The following CSMD1 variants were observed in gnomAD, a reference collection of about 807,000 sequenced individuals.
The protein encoded by CSMD1 is CUB and Sushi multiple domains 1, also known as CUB and sushi domain-containing protein 1.
A neutral mutation model predicts 417.5 loss-of-function variants in CSMD1; 213 were observed. The ratio of observed to expected loss-of-function variants is 0.51; its 90% CI spans 0.46 to 0.57. The LOEUF (loss-of-function observed/expected upper bound fraction) is 0.57. Among genes scored for constraint, CSMD1 ranks in the 20% least tolerant of loss-of-function variants. CSMD1 has a pLI of 0.00. For synonymous variants in CSMD1, 2,862 were observed against 1,736.8 expected, an observed-to-expected ratio of 1.65 and a Z score of -16.11; for missense variants, 6,923 against 4,529.7, an observed-to-expected ratio of 1.53 and a Z score of -15.17.
chr8:3,392,994 C>A (rs2116838310), intron 17 of CSMD1, among the ~76,000 whole-genome samples: 1 of 152,288 alleles, frequency 6.6e-6, no homozygotes. Context: ...CATTTTCTTA[C>A]AACAAGCAAA....
chr8:4,003,996 T>C (rs1391463747), intron 4 of CSMD1, among the ~76,000 whole-genome samples: 3 of 152,124 alleles, frequency 2.0e-5, no homozygotes, highest in African/African-American at 4.8e-5. Context: ...AGAAAATATA[T>C]GATCAACTAA....
chr8:3,550,579 C>T (rs562607909), intron 10 of CSMD1, among the ~76,000 whole-genome samples: 2 of 152,308 alleles, frequency 1.3e-5, no homozygotes, highest in South Asian at 4.1e-4. Context: ...CTTATGGGTG[C>T]ATCATCCCTA....
At chr8:3,475,263 C>G (rs902968281) in intron 11 of CSMD1, among the ~76,000 whole-genome samples, 10 of 152,182 alleles carry the variant, frequency 6.6e-5, no homozygotes, top group African/African-American at 2.4e-4. Context: ...TCAACCTCCA[C>G]CTTCTTTCAA....
intron 12 of CSMD1, among the ~76,000 whole-genome samples, chr8:3,419,696 C>T (rs1163265888): frequency 6.6e-6 from 1 of 152,088 alleles, no homozygotes; most frequent in Non-Finnish European, 1.5e-5. Flanking sequence ...ACTTTCGTCA[C>T]CTACAACGTT....
chr8:4,115,815 TAA>T (rs201438381), intron 3 of CSMD1, among the ~76,000 whole-genome samples: 1 of 149,414 alleles, frequency 6.7e-6, no homozygotes, highest in Admixed American at 6.7e-5. Flanking sequence ...TATTTCTCAG[TAA>T]AAAAAAAGCC....
intron 2 of CSMD1, among the ~76,000 whole-genome samples, chr8:4,442,771 A>G (rs564282956): frequency 3.9e-5 from 6 of 152,364 alleles, no homozygotes; most frequent in African/African-American, 1.4e-4. Context: ...CAAAGACAGT[A>G]ATGGTCTGTG....
chr8:3,251,861 T>C (rs954236042), intron 26 of CSMD1, among the ~76,000 whole-genome samples: 2 of 152,216 alleles, frequency 1.3e-5, no homozygotes, highest in African/African-American at 4.8e-5. Context: ...TTTGGCTCTT[T>C]CTTTGTCTGT....
chr8:3,899,909 G>A (rs936919101), intron 5 of CSMD1, among the ~76,000 whole-genome samples: 2 of 152,242 alleles, frequency 1.3e-5, no homozygotes, highest in African/African-American at 4.8e-5. Context: ...CTTAAAACAT[G>A]TCTTTAATGT....
chr8:3,990,852 C>A (rs978480120), intron 5 of CSMD1, among the ~76,000 whole-genome samples: 8 of 152,126 alleles, frequency 5.3e-5, no homozygotes, highest in African/African-American at 1.4e-4. Flanking sequence ...GAGAGTGCAG[C>A]TGCCCCTTCA....
At chr8:3,993,078 C>G (rs2627328) in intron 5 of CSMD1, among the ~76,000 whole-genome samples, 27,736 of 152,152 alleles carry the variant, frequency 0.18, 3,032 homozygotes, top group Non-Finnish European at 0.24. Context: ...CAGAGGAAAT[C>G]AAACAGAGTC....
At chr8:4,772,836 G>C (rs1202115778) in intron 1 of CSMD1, among the ~76,000 whole-genome samples, 2 of 152,124 alleles carry the variant, frequency 1.3e-5, no homozygotes, top group African/African-American at 2.4e-5. Flanking sequence ...AGTTTGATAT[G>C]TATGTCTGCT....
intron 3 of CSMD1, among the ~76,000 whole-genome samples, chr8:4,223,758 G>C (rs916344497): frequency 7.2e-5 from 11 of 152,138 alleles, no homozygotes; most frequent in African/African-American, 1.9e-4. Flanking sequence ...AATATTTCTA[G>C]CAAAGGTGAC....
chr8:3,964,585 G>A (rs540021480), intron 5 of CSMD1, among the ~76,000 whole-genome samples: 1 of 152,130 alleles, frequency 6.6e-6, no homozygotes, highest in African/African-American at 2.4e-5. Context: ...TTAATTCTCT[G>A]ATCCACTTAA....
chr8:3,997,796 A>G (rs1188785208), intron 5 of CSMD1, 107 bp downstream of exon 5: 8 of 985,198 alleles, frequency 8.1e-6, no homozygotes, highest in African/African-American at 1.6e-5. Context: ...AGGAACACAC[A>G]TGCTTGCCCA....
Position 3,034,045 on chromosome 8 carries a change from CCT to C in CSMD1, c.7661-4534_7661-4533del, listed in dbSNP as rs1159763094. Among the ~76,000 whole-genome samples, 3 of 152,226 alleles carry C rather than the reference CCT, an allele frequency of 2.0e-5. No individual in the cohort carries two copies. The East Asian group carries it at 5.8e-4, about 29-fold the overall frequency. ...CTCCAGCTGCCTCCCCATGTGCCTT[CCT>C]TTTTCTATCAGTGCTGCTGCCCACA... On this transcript the variant is annotated intron_variant, in intron 50 of 69. Coordinates refer to ENST00000635120, the MANE Select transcript of CSMD1 (RefSeq NM_033225.6).
At chr8:4,590,626 T>C (rs1799939705) in intron 2 of CSMD1, among the ~76,000 whole-genome samples, 1 of 152,176 alleles carries the variant, frequency 6.6e-6, no homozygotes, top group African/African-American at 2.4e-5. Context: ...TAATATATGT[T>C]GTTCAAAGTT....
intron 7 of CSMD1, among the ~76,000 whole-genome samples, chr8:3,647,482 G>C (rs1797635322): frequency 6.6e-6 from 1 of 152,088 alleles, no homozygotes; most frequent in Non-Finnish European, 1.5e-5. Context: ...AGCATAAAAA[G>C]AAATATAGCA....
chr8:4,939,015 G>A (rs376019778), intron 1 of CSMD1, among the ~76,000 whole-genome samples: 4 of 152,080 alleles, frequency 2.6e-5, no homozygotes, highest in African/African-American at 4.8e-5. Flanking sequence ...TTGAGTCATA[G>A]GAATGTTTTC....
intron 5 of CSMD1, among the ~76,000 whole-genome samples, chr8:3,841,380 C>G (rs1006250752): frequency 6.6e-6 from 1 of 152,098 alleles, no homozygotes; most frequent in African/African-American, 2.4e-5. Flanking sequence ...TGGTTCTCAA[C>G]CTCAAGCAAT....
Sources: allele counts gnomAD v4.1 joint callset (sites outside exome capture counted in the v4.1 genomes callset), GRCh38; gene constraint gnomAD v4.1.1; transcripts MANE v1.5; gene names NCBI Gene and HGNC (gene_info 2026-07-23, HGNC 2026-07-21).